The following MERTK variants were observed in gnomAD, a reference collection of about 807,000 sequenced individuals.
MERTK encodes MER proto-oncogene, tyrosine kinase.
Under a neutral mutation model 99.3 loss-of-function variants are expected in MERTK, and 69 were observed. The ratio of observed to expected loss-of-function variants is 0.70; its 90% CI spans 0.57 to 0.85. MERTK has a LOEUF of 0.85. MERTK is among the 40% of genes least tolerant of loss of function. The pLI is 0.00. For synonymous variants in MERTK, 426 were observed against 467.6 expected (o/e 0.91, Z 1.15); for missense variants, 1,125 against 1,249.4 (o/e 0.90, Z 1.50).
rs563266275 is a variant in MERTK at position 111,898,681 on chromosome 2, G to C, written c.-55G>C. 1.9e-5 allele frequency: 30 copies of C among 1,569,970 alleles called. No individual in the cohort carries two copies. In the African/African-American group the frequency reaches 3.0e-4, roughly 16 times the overall value. Reference sequence around the variant, plus strand: ...GCTTGGCCGGCGACAGGACAGGTTCGGGACGTCCATCTGTCCATCCGTCCG... The same window carrying C: ...GCTTGGCCGGCGACAGGACAGGTTCCGGACGTCCATCTGTCCATCCGTCCG... On this transcript the variant is annotated 5_prime_UTR_variant, in exon 1 of 19. Coordinates refer to ENST00000295408, the MANE Select transcript of MERTK (RefSeq NM_006343.3).
intron 13 of MERTK, among the ~76,000 whole-genome samples, chr2:112,004,851 G>A (rs530788063): frequency 3.3e-5 from 5 of 150,922 alleles, no homozygotes; most frequent in African/African-American, 9.7e-5. Context: ...GCATTGAGCC[G>A]AGATCACACC....
Position 112,018,091 on chromosome 2 carries a change from A to G in MERTK, c.2080-1322A>G, listed in dbSNP as rs79679497. On this transcript the variant is annotated intron_variant, in intron 15 of 18. Transcript: ENST00000295408. ...CCTACACAAGAAGAAGGAGGAGGAG[A>G]AGAAAGAATTTTCTTAATTTCATTT... Among the ~76,000 whole-genome samples, 1,018 of 152,334 alleles carry G rather than the reference A, an allele frequency of 6.7e-3. 9 individuals are homozygous for G. Among genetic ancestry groups the G allele is most frequent in the African/African-American group, 0.023 (941 of 41,556 alleles).
intron 4 of MERTK, among the ~76,000 whole-genome samples, chr2:111,963,090 C>G (rs1027251039): frequency 6.6e-6 from 1 of 151,852 alleles, no homozygotes; most frequent in African/African-American, 2.4e-5. Flanking sequence ...AGAAGGTCAG[C>G]AGATAAACAC....
chr2:111,996,563 CGTAA>C, intron 9 of MERTK: 1 of 154,854 alleles, frequency 6.5e-6, no homozygotes, highest in Non-Finnish European at 1.5e-5. Context: ...TAGTGTTCAA[CGTAA>C]AATTTGAATT....
chr2:111,961,666 G>C (rs1453343911), intron 4 of MERTK, among the ~76,000 whole-genome samples: 2 of 152,160 alleles, frequency 1.3e-5, no homozygotes, highest in Admixed American at 6.5e-5. Context: ...TGAGGGACCC[G>C]TGTGTAGTCA....
chr2:111,910,552 G>C (rs544620765), intron 1 of MERTK, among the ~76,000 whole-genome samples: 92 of 151,530 alleles, frequency 6.1e-4, no homozygotes, highest in African/African-American at 1.9e-3. Flanking sequence ...TTACAGGCAT[G>C]AGCCACCTCA....
At chr2:112,017,315 G>C (rs1677238097) in intron 15 of MERTK, among the ~76,000 whole-genome samples, 1 of 152,060 alleles carries the variant, frequency 6.6e-6, no homozygotes, top group Non-Finnish European at 1.5e-5. Context: ...CAATCCTTTA[G>C]CTAGACACGG....
chr2:111,898,701 C>T lies in MERTK; in HGVS notation c.-35C>T, dbSNP rs1212920162. 4 of 1,598,972 alleles carry T rather than the reference C, an allele frequency of 2.5e-6. No homozygotes were observed. The South Asian group carries it at 4.5e-5, about 18-fold the overall frequency. On this transcript the variant is annotated 5_prime_UTR_variant, in exon 1 of 19. Coordinates refer to ENST00000295408, the MANE Select transcript of MERTK (RefSeq NM_006343.3). ...GGTTCGGGACGTCCATCTGTCCATC[C>T]GTCCGGAGAGAAATTACAGATCCGC...
chr2:111,982,700 G>T, intron 7 of MERTK, 142 bp from the exon 8 acceptor site: 3 of 884,598 alleles, frequency 3.4e-6, no homozygotes, highest in Admixed American at 3.7e-5. Context: ...TAGTTGAAAA[G>T]GTGAAAATGT....
intron 18 of MERTK, among the ~76,000 whole-genome samples, chr2:112,023,971 G>A (rs1244748715): frequency 6.6e-6 from 1 of 152,064 alleles, no homozygotes; most frequent in Non-Finnish European, 1.5e-5. Context: ...CAGGCTTTCC[G>A]GGTCCCTTCT....
chr2:111,901,379 G>C (rs565410951), intron 1 of MERTK, among the ~76,000 whole-genome samples: 35 of 152,176 alleles, frequency 2.3e-4, no homozygotes, highest in African/African-American at 8.4e-4. Context: ...ATGTATTCCA[G>C]TATATTGTAA....
At chr2:111,927,989 A>C (rs1684599157) in intron 1 of MERTK, among the ~76,000 whole-genome samples, 1 of 152,136 alleles carries the variant, frequency 6.6e-6, no homozygotes, top group African/African-American at 2.4e-5. Context: ...TCTGTGTCCA[A>C]AAATGCCACT....
chr2:111,951,892 G>T (rs1685064964), intron 4 of MERTK, among the ~76,000 whole-genome samples: 1 of 151,978 alleles, frequency 6.6e-6, no homozygotes, highest in African/African-American at 2.4e-5. Context: ...TTAGTAAATA[G>T]AAAATAGATT....
rs1414727167 is a variant in MERTK, at chr2:111,965,122, A to G, written c.758-69A>G. 5.1e-6 allele frequency: 7 copies of G among 1,371,942 alleles called. No individual in the cohort carries two copies. In the African/African-American group the frequency reaches 5.7e-5, roughly 11 times the overall value. 85.0% of individuals were successfully genotyped at this position (1,371,942 alleles called of 1,614,324 possible). A position where few individuals can be genotyped will look rare whatever the true frequency, so the allele number is the denominator to read the frequency against. On this transcript the variant is annotated intron_variant, in intron 4 of 18. Coordinates refer to ENST00000295408, the MANE Select transcript of MERTK (RefSeq NM_006343.3). ...CAAGAAATAAAATAATACAAAGACA[A>G]CCATAGAATTGTAGTGAACAGCAGC...
intron 2 of MERTK, among the ~76,000 whole-genome samples, chr2:111,931,636 A>G (rs1684673763): frequency 6.6e-6 from 1 of 151,996 alleles, no homozygotes; most frequent in Non-Finnish European, 1.5e-5. Flanking sequence ...CAGTAAGCCA[A>G]GATTGCACCA....
At chr2:111,958,623 T>A (rs1240866245) in intron 4 of MERTK, among the ~76,000 whole-genome samples, 1 of 152,196 alleles carries the variant, frequency 6.6e-6, no homozygotes, top group African/African-American at 2.4e-5. Flanking sequence ...AGACTTGGTG[T>A]AGGTGTCTTG....
Position 111,947,438 on chromosome 2 carries a change from A to G in MERTK, c.628A>G (p.Arg210Gly). The G allele has an allele frequency of 7.4e-6, 12 of 1,614,194 alleles. No individual in the cohort carries two copies. Among genetic ancestry groups the G allele is most frequent in the African/African-American group, 1.3e-5 (1 of 75,042 alleles). ...TKQPESMNVT[R>G]NTAFNLTCQA... ...GCAGCCTGAGAGCATGAATGTCACC[A>G]GAAACACAGCCTTCAACCTCACCTG... Residue 210 changes from arginine (R) to glycine (G), a missense_variant, in exon 4 of 19, where the codon AGA becomes GGA. Arg to Gly is a moderately radical substitution (Grantham distance 125). Coordinates refer to ENST00000295408, the MANE Select transcript of MERTK (RefSeq NM_006343.3).
intron 1 of MERTK, among the ~76,000 whole-genome samples, chr2:111,902,478 C>A (rs368113661): frequency 2.6e-5 from 4 of 152,178 alleles, no homozygotes; most frequent in African/African-American, 7.2e-5. Flanking sequence ...AGACTCACAG[C>A]GAACCTCTTT....
rs571743418 is a variant in MERTK at position 112,001,231 on chromosome 2, A to G, written c.1635A>G (p.Leu545=). The change falls in exon 11 of 19, where the codon TTA becomes TTG. Residue 545 remains leucine, a synonymous_variant. Transcript: ENST00000295408. ...CATTCACAGAGGAGGATTCTGAATT[A>G]GTGGTGAATTATATAGCAAAGAAAT... The part of the protein sequence containing the change: ...GNAFTEEDSE[L]VVNYIAKKSF... 2.5e-6 allele frequency: 4 copies of G among 1,613,708 alleles called. No individual in the cohort carries two copies. In the South Asian group the frequency reaches 4.4e-5, roughly 18 times the overall value.
Sources: gnomAD v4.1 joint callset for allele counts (sites outside exome capture counted in the v4.1 genomes callset) on GRCh38, gnomAD v4.1.1 for gene constraint, MANE v1.5 for transcripts, NCBI Gene and HGNC (gene_info 2026-07-23, HGNC 2026-07-21) for gene names.